Variants in CADM2 observed in about 807,000 individuals in gnomAD.
CADM2 encodes the protein immunoglobulin superfamily member 4D.
In CADM2, 12 loss-of-function variants were observed where a neutral mutation model predicts 49.8. The ratio of observed to expected loss-of-function variants is 0.24; its 90% confidence interval spans 0.15 to 0.39. The LOEUF (loss-of-function observed/expected upper bound fraction) is 0.39, where lower values mean the gene tolerates loss of function less well. Ranked by LOEUF, CADM2 falls within the 10% of genes least tolerant of loss-of-function variation. The pLI is 1.00. For missense variants in CADM2, 378 were observed against 492.3 expected (o/e 0.77, Z 2.20); for synonymous variants, 214 against 175.4 (o/e 1.22, Z -1.74).
chr3:85,132,640 A>ATT (rs529056112), intron 1 of CADM2, among the ~76,000 whole-genome samples: 9 of 144,138 alleles, frequency 6.2e-5, no homozygotes, highest in Admixed American at 1.6e-4. Context: ...ATATATATAT[A>ATT]TATTTAGTCA....
At chr3:84,987,985 T>C (rs1006223979) in intron 1 of CADM2, among the ~76,000 whole-genome samples, 2 of 152,104 alleles carry the variant, frequency 1.3e-5, no homozygotes, top group Non-Finnish European at 2.9e-5. Context: ...GGATGAGAAT[T>C]ACCCCTAGGG....
intron 1 of CADM2, among the ~76,000 whole-genome samples, chr3:85,051,537 G>A (rs1184784352): frequency 6.6e-6 from 1 of 152,156 alleles, no homozygotes; most frequent in Non-Finnish European, 1.5e-5. Flanking sequence ...GACGGGGGGA[G>A]CTGTGTTACT....
At chr3:85,539,670 AT>A (rs1200083561) in intron 1 of CADM2, among the ~76,000 whole-genome samples, 3 of 152,138 alleles carry the variant, frequency 2.0e-5, no homozygotes, top group African/African-American at 7.2e-5. Flanking sequence ...TCCATTTATT[AT>A]TTTTCTTTAT....
intron 1 of CADM2, among the ~76,000 whole-genome samples, chr3:85,491,878 G>A (rs1425012905): frequency 1.3e-5 from 2 of 151,636 alleles, no homozygotes; most frequent in African/African-American, 4.8e-5. Context: ...CGTGAATCGG[G>A]CAGGCGGAGC....
At chr3:85,561,592 G>A (rs1053572130) in intron 1 of CADM2, among the ~76,000 whole-genome samples, 2 of 152,136 alleles carry the variant, frequency 1.3e-5, no homozygotes, top group Non-Finnish European at 2.9e-5. Context: ...ATGGTAATAG[G>A]ACATTGACAT....
intron 4 of CADM2, among the ~76,000 whole-genome samples, chr3:85,885,317 A>C (rs1029040261): frequency 3.3e-5 from 5 of 151,248 alleles, no homozygotes; most frequent in African/African-American, 1.2e-4. Flanking sequence ...TAGGTGGATC[A>C]CTTGAGGTCA....
At chr3:85,501,237 T>G (rs2040104133) in intron 1 of CADM2, among the ~76,000 whole-genome samples, 1 of 152,182 alleles carries the variant, frequency 6.6e-6, no homozygotes, top group Admixed American at 6.5e-5. Context: ...TCTATTTTAC[T>G]TGAAAGATTG....
At chr3:85,283,203 T>G (rs1192795346) in intron 1 of CADM2, among the ~76,000 whole-genome samples, 1 of 152,000 alleles carries the variant, frequency 6.6e-6, no homozygotes, top group Non-Finnish European at 1.5e-5. Context: ...GCAGAACATT[T>G]TCTATTAACA....
At chr3:85,205,736 A>G (rs2041616115) in intron 1 of CADM2, among the ~76,000 whole-genome samples, 2 of 152,082 alleles carry the variant, frequency 1.3e-5, no homozygotes, top group African/African-American at 4.8e-5. Context: ...TGTAATGCTC[A>G]CCAGAAAAAA....
At chr3:85,072,208 A>G (rs192110691) in intron 1 of CADM2, among the ~76,000 whole-genome samples, 8 of 152,136 alleles carry the variant, frequency 5.3e-5, no homozygotes, top group African/African-American at 1.9e-4. Flanking sequence ...ATCTATACTT[A>G]CAACGGTCAG....
chr3:85,252,700 A>G (rs148675940), intron 1 of CADM2, among the ~76,000 whole-genome samples: 45 of 152,092 alleles, frequency 3.0e-4, no homozygotes, highest in African/African-American at 1.0e-3. Context: ...AGTCTCAAGG[A>G]GTCTGACTCC....
intron 1 of CADM2, among the ~76,000 whole-genome samples, chr3:85,679,096 A>G (rs998979731): frequency 3.9e-5 from 6 of 152,218 alleles, no homozygotes; most frequent in Admixed American, 6.6e-5. Flanking sequence ...TATAAAATCA[A>G]TAACCACAAA....
At chr3:85,985,606 A>G (rs4688895) in intron 8 of CADM2, among the ~76,000 whole-genome samples, 46,325 of 151,960 alleles carry the variant, frequency 0.3, 8,359 homozygotes, top group East Asian at 0.4. Flanking sequence ...TTTTTAGCCC[A>G]TATAATGCCA....
chr3:85,962,407 T>C (rs1376950561), intron 8 of CADM2, among the ~76,000 whole-genome samples: 1 of 151,974 alleles, frequency 6.6e-6, no homozygotes, highest in African/African-American at 2.4e-5. Flanking sequence ...ATATTAGCAA[T>C]AACTGCATCA....
At position 85,370,252 on chromosome 3, in the gene CADM2, A is replaced by AATAATG. The variant is rs1553714608; in HGVS notation, c.62-356265_62-356264insGATAAT. Reference sequence around the variant, plus strand: ...TAATAATAATAATAATAATAATAATAATAATAAAATTTTAAAAAATAACTT... The same window carrying AATAATG: ...TAATAATAATAATAATAATAATAATAATAATGATAATAAAATTTTAAAAAATAACTT... On this transcript the variant is annotated intron_variant, in intron 1 of 9. Transcript: ENST00000383699. Among the ~76,000 whole-genome samples, 28 of 147,088 alleles carry AATAATG rather than the reference A, an allele frequency of 1.9e-4. No homozygotes were observed. The East Asian group carries it at 4.9e-3, about 26-fold the overall frequency.
chr3:85,477,777 A>G (rs1161906414), intron 1 of CADM2, among the ~76,000 whole-genome samples: 1 of 152,004 alleles, frequency 6.6e-6, no homozygotes, highest in South Asian at 2.1e-4. Flanking sequence ...ACTCTGGTCT[A>G]TGTACAACCA....
chr3:85,365,912 A>G (rs751938770), intron 1 of CADM2, among the ~76,000 whole-genome samples: 3 of 152,140 alleles, frequency 2.0e-5, no homozygotes, highest in Non-Finnish European at 2.9e-5. Flanking sequence ...TCATGGAAGC[A>G]ATTATGAGCA....
chr3:85,075,519 TG>T (rs2036911584), intron 1 of CADM2, among the ~76,000 whole-genome samples: 1 of 152,106 alleles, frequency 6.6e-6, no homozygotes, highest in Non-Finnish European at 1.5e-5. Context: ...TGCCAGAAAA[TG>T]TAAAGAAAAA....
chr3:85,821,542 A>G lies in CADM2; in HGVS notation c.238+19346A>G, dbSNP rs1378817435. 2.6e-5 allele frequency among the ~76,000 whole-genome samples: 4 copies of G among 152,258 alleles called. No homozygotes were observed. The East Asian group carries it at 7.7e-4, about 29-fold the overall frequency. ...TCTACTTTTTTTCCTGGGACTAGAA[A>G]GAAAGGGGGCTGTTTGTTTTTGTTG... On this transcript the variant is annotated intron_variant, in intron 3 of 9. Transcript: ENST00000383699.
Sources: gnomAD v4.1 joint callset for allele counts (sites outside exome capture counted in the v4.1 genomes callset) on GRCh38, gnomAD v4.1.1 for gene constraint, MANE v1.5 for transcripts, NCBI Gene and HGNC (gene_info 2026-07-23, HGNC 2026-07-21) for gene names.